The following BOD1L1 variants were observed in gnomAD, a reference collection of about 807,000 sequenced individuals.
BOD1L1 encodes the protein biorientation of chromosomes in cell division protein 1-like 1.
In BOD1L1, 86 loss-of-function variants were observed where a neutral mutation model predicts 240.7. That is an observed-to-expected ratio of 0.36 (90% CI 0.30 to 0.43). BOD1L1 has a LOEUF of 0.43. BOD1L1 is among the 20% of genes least tolerant of loss of function. The pLI, the probability that BOD1L1 is intolerant of heterozygous loss-of-function variation, is 1.00. For missense variants in BOD1L1, 3,554 were observed against 3,643.5 expected, an observed-to-expected ratio of 0.98 and a Z score of 0.63; for synonymous variants, 1,268 against 1,272.3, an observed-to-expected ratio of 1.00 and a Z score of 0.07.
chr4:13,614,887 T>C (rs1235766759), intron 3 of BOD1L1, 77 bp from the exon 4 acceptor site: 2 of 1,397,586 alleles, frequency 1.4e-6, no homozygotes, highest in Non-Finnish European at 1.9e-6. Context: ...CCACATGCCA[T>C]TGTCATCTTT....
In BOD1L1 at chr4:13,603,510, AT is replaced by A; in HGVS notation, c.3389del (p.Asn1130MetfsTer25). On this transcript the variant is annotated frameshift_variant, in exon 10 of 26. Coordinates refer to ENST00000040738, the MANE Select transcript of BOD1L1 (RefSeq NM_148894.3). LOFTEE classifies it high-confidence loss of function. The part of the protein sequence containing the change: ...MEIDSEPGVE[N>X]VFEVSKTQDN... ...CTTGGGTTTTAGATACTTCAAACAC[AT>A]TTTCAACACCTGGCTCAGAATCAAT... 1 of 1,614,002 alleles carries A rather than the reference AT, an allele frequency of 6.2e-7. No homozygotes were observed. Among genetic ancestry groups the A allele is most frequent in the Non-Finnish European group, 8.5e-7 (1 of 1,179,890 alleles).
chr4:13,627,525 C>T lies in BOD1L1; in HGVS notation c.63G>A (p.Pro21=). 5 of 1,087,558 alleles carry T rather than the reference C, an allele frequency of 4.6e-6. No homozygotes were observed. Among genetic ancestry groups the T allele is most frequent in the Non-Finnish European group, 5.6e-6 (5 of 895,726 alleles). 67.4% of individuals were successfully genotyped at this position (1,087,558 alleles called of 1,614,324 possible). The change falls in exon 1 of 26, where the codon CCG becomes CCA. Residue 21 remains proline, a synonymous_variant. Coordinates refer to ENST00000040738, the MANE Select transcript of BOD1L1 (RefSeq NM_148894.3). ...GCGGCGGCGGCGGTGGCTGCGGCTG[C>T]GGCTGCGGCGGGGGAGGCGGCGGCG... ...PPAPPPPPPQ[P]QPQPPPPPPG... is the part of the protein sequence containing the mutation.
Position 13,601,849 on chromosome 4 carries a change from A to G in BOD1L1, c.5051T>C (p.Val1684Ala), listed in dbSNP as rs557308663. The G allele has an allele frequency of 8.1e-6, 13 of 1,613,716 alleles. No homozygotes were observed. The highest frequency in any genetic ancestry group is 6.7e-5 in the Admixed American group (4 of 60,006). ...ACTTGTAACTGCTCCATCACTTTCA[A>G]CTTCACTAATAAAAGTAATAGTTCC... ...VEGTITFISEVESDGAVTSAG... is the reference protein window; with the variant it reads ...VEGTITFISEAESDGAVTSAG... Residue 1684 changes from valine to alanine, a missense_variant, in exon 10 of 26, where the codon GTT becomes GCT. Transcript: ENST00000040738.
chr4:13,610,915 C>G lies in BOD1L1; in HGVS notation c.1491+19G>C, dbSNP rs754419978. The G allele has an allele frequency of 3.8e-6, 6 of 1,577,446 alleles. No homozygotes were observed. Among genetic ancestry groups the G allele is most frequent in the Non-Finnish European group, 4.3e-6 (5 of 1,162,764 alleles). On this transcript the variant is annotated intron_variant, in intron 6 of 25. Transcript: ENST00000040738. ...AACCTGATGTAGTAGGTTAAAATAA[C>G]AGAACAAACTGGACTTACAATGGAC...
intron 20 of BOD1L1, 38 bp from the exon 21 acceptor site, chr4:13,581,092 A>T (rs1318605467): frequency 6.4e-7 from 1 of 1,564,918 alleles, no homozygotes; most frequent in African/African-American, 1.4e-5. Flanking sequence ...TCGGTTCGAA[A>T]ATTTCTTGTG....
At position 13,603,628 on chromosome 4, in the gene BOD1L1, G is replaced by C. The variant is rs1382864010; in HGVS notation, c.3272C>G (p.Ala1091Gly). The C allele has an allele frequency of 6.2e-7, 1 of 1,613,918 alleles. No homozygotes were observed. The highest frequency in any genetic ancestry group is 1.1e-5 in the South Asian group (1 of 91,070). ...EMAKGEEKLA[A>G]NTLSTPSGSS... ...ACCGCTGGGAGTGCTCAAAGTGTTTGCTGCTAATTTTTCTTCTCCTTTGGC... is the reference window on the plus strand; with the variant it reads ...ACCGCTGGGAGTGCTCAAAGTGTTTCCTGCTAATTTTTCTTCTCCTTTGGC... Residue 1091 changes from alanine (A) to glycine (G), a missense_variant, in exon 10 of 26, where the codon GCA (alanine) becomes GGA (glycine). Around this residue, in one of 2 missense-constraint regions of BOD1L1, gnomAD observed 3,393 missense variants for 3,427.1 expected, o/e 0.99. Coordinates refer to ENST00000040738, the MANE Select transcript of BOD1L1 (RefSeq NM_148894.3).
At chr4:13,585,707 T>C (rs1713622905) in intron 17 of BOD1L1, among the ~76,000 whole-genome samples, 1 of 152,078 alleles carries the variant, frequency 6.6e-6, no homozygotes, top group Admixed American at 6.5e-5. Flanking sequence ...TAATCCCCAC[T>C]TGTAGTGGGA....
In BOD1L1 at chr4:13,570,067, G is replaced by C; in HGVS notation, c.9100C>G (p.Arg3034Gly). Residue 3034 changes from arginine to glycine, a missense_variant, in exon 26 of 26, where the codon CGA (arginine) becomes GGA (glycine). Transcript: ENST00000040738. The part of the protein sequence containing the change: ...RKREVSPPGA[R>G]TRGQQRVEEA... ...TCCACCCTTTGCTGGCCTCTTGTTC[G>C]GGCCCCAGGAGGGCTGACTTCTCTC... is the stretch of plus-strand genomic sequence containing the variant. 1.2e-6 allele frequency: 2 copies of C among 1,605,752 alleles called. No homozygotes were observed. Among genetic ancestry groups the C allele is most frequent in the East Asian group, 2.3e-5 (1 of 43,934 alleles).
intron 13 of BOD1L1, among the ~76,000 whole-genome samples, chr4:13,591,625 G>A (rs1714227292): frequency 6.6e-6 from 1 of 152,166 alleles, no homozygotes; most frequent in Non-Finnish European, 1.5e-5. Flanking sequence ...AATCTATTTT[G>A]TCTATAGCAC....
chr4:13,581,115 A>G lies in BOD1L1; in HGVS notation c.8668+17T>C, dbSNP rs16888852. The G allele has an allele frequency of 5.3e-4, 830 of 1,571,194 alleles. 2 individuals are homozygous for G. In the African/African-American group the frequency reaches 9.0e-3, roughly 17 times the overall value. On this transcript the variant is annotated intron_variant, in intron 20 of 25. Coordinates refer to ENST00000040738, the MANE Select transcript of BOD1L1 (RefSeq NM_148894.3). ...AAAATTTCTTGTGTGTGAACTGAAA[A>G]CACACCAAGTACCTACTCATTTTTA...
intron 2 of BOD1L1, among the ~76,000 whole-genome samples, chr4:13,617,673 C>T (rs1173406262): frequency 6.6e-6 from 1 of 152,204 alleles, no homozygotes; most frequent in Non-Finnish European, 1.5e-5. Flanking sequence ...AATTTTCCCT[C>T]CTACTGAGTC....
At chr4:13,572,675 T>G (rs1167681715) in intron 25 of BOD1L1, 1 of 1,285,202 alleles carries the variant, frequency 7.8e-7, no homozygotes, top group Admixed American at 2.3e-5. Context: ...GGGTTAAAAA[T>G]GGCTTGAAGT....
intron 17 of BOD1L1, among the ~76,000 whole-genome samples, chr4:13,584,460 G>GTA (rs1713507938): frequency 2.0e-5 from 3 of 151,156 alleles, no homozygotes; most frequent in African/African-American, 7.3e-5. Flanking sequence ...GTGTGTGTGT[G>GTA]TGTGTGTGTG....
Position 13,570,002 on chromosome 4 carries a change from T to C in BOD1L1, c.*9A>G, listed in dbSNP as rs749312096. On this transcript the variant is annotated 3_prime_UTR_variant, in exon 26 of 26. Transcript: ENST00000040738. ...TTCCTCCATAAGCCTAGGGCAGCAGTGGTCAGGATTATCGCTTCGCTTTTT... is the reference window on the plus strand; with the variant it reads ...TTCCTCCATAAGCCTAGGGCAGCAGCGGTCAGGATTATCGCTTCGCTTTTT... The C allele has an allele frequency of 1.9e-6, 3 of 1,573,748 alleles. No individual in the cohort carries two copies. Among genetic ancestry groups the C allele is most frequent in the South Asian group, 2.3e-5 (2 of 85,130 alleles).
chr4:13,596,714 A>G (rs1164479346), intron 11 of BOD1L1, among the ~76,000 whole-genome samples: 1 of 152,214 alleles, frequency 6.6e-6, no homozygotes, highest in African/African-American at 2.4e-5. Context: ...ACACTGGAGG[A>G]GGGCTGGAGT....
At chr4:13,620,201 C>G (rs1010157714) in intron 1 of BOD1L1, 134 bp from the exon 2 acceptor site, 2 of 854,066 alleles carry the variant, frequency 2.3e-6, no homozygotes, top group African/African-American at 3.4e-5. Context: ...AACTTACACT[C>G]ATTCAAATAC....
At chr4:13,571,154 A>G (rs912265226) in intron 25 of BOD1L1, among the ~76,000 whole-genome samples, 2 of 152,182 alleles carry the variant, frequency 1.3e-5, no homozygotes, top group African/African-American at 2.4e-5. Flanking sequence ...TTATACACAT[A>G]TATCTCCCCC....
rs1445360472 is a variant in BOD1L1 at position 13,569,787 on chromosome 4, C to T, written c.*224G>A. ...AACTACTTTGTTTTGAGTTCAGATA[C>T]AAAGTAAACTTATTGTCCTTTATCT... On this transcript the variant is annotated 3_prime_UTR_variant, in exon 26 of 26. Coordinates refer to ENST00000040738, the MANE Select transcript of BOD1L1 (RefSeq NM_148894.3). 2 of 347,872 alleles carry T rather than the reference C, an allele frequency of 5.7e-6. No homozygotes were observed. The highest frequency in any genetic ancestry group is 4.8e-5 in the Admixed American group (1 of 20,874). The allele number at this position is 347,872 out of a possible 1,614,324, so 21.5% of individuals were successfully genotyped here. A position where few individuals can be genotyped will look rare whatever the true frequency, so the allele number is the denominator to read the frequency against.
At chr4:13,593,908 G>A (rs1714409965) in intron 12 of BOD1L1, among the ~76,000 whole-genome samples, 1 of 152,194 alleles carries the variant, frequency 6.6e-6, no homozygotes, top group African/African-American at 2.4e-5. Context: ...CAACTAGTAA[G>A]CTACATTCCT....
Sources: allele counts gnomAD v4.1 joint callset (sites outside exome capture counted in the v4.1 genomes callset), GRCh38; gene constraint gnomAD v4.1.1; regional missense constraint gnomAD v4.1.1; transcripts MANE v1.5; gene names NCBI Gene and HGNC (gene_info 2026-07-23, HGNC 2026-07-21).